LRIG1: variants seen among roughly 807,000 people sequenced by gnomAD.
LRIG1 encodes leucine rich repeats and immunoglobulin like domains 1.
Under a neutral mutation model 99.2 loss-of-function variants are expected in LRIG1, and 48 were observed. The observed-to-expected ratio is 0.48, with a 90% CI of 0.38 to 0.62. LRIG1 has a LOEUF of 0.62. LRIG1 is among the 20% of genes least tolerant of loss of function. The pLI, the probability that LRIG1 is intolerant of heterozygous loss-of-function variation, is 0.00. For missense variants in LRIG1, 1,646 were observed against 1,434.4 expected, an observed-to-expected ratio of 1.15 and a Z score of -2.38; for synonymous variants, 772 against 596.1, an observed-to-expected ratio of 1.29 and a Z score of -4.30.
chr3:66,386,631 C>T (rs1220995504), intron 12 of LRIG1: 2 of 287,982 alleles, frequency 6.9e-6, no homozygotes, highest in East Asian at 7.6e-5. Flanking sequence ...ACAAAACAGT[C>T]AGGCACCACT....
intron 12 of LRIG1, among the ~76,000 whole-genome samples, chr3:66,389,089 A>G (rs1246045313): frequency 1.3e-5 from 2 of 152,250 alleles, no homozygotes; most frequent in African/African-American, 4.8e-5. Flanking sequence ...CAGTAACACA[A>G]AGGAATAAAA....
intron 3 of LRIG1, among the ~76,000 whole-genome samples, chr3:66,451,127 G>C (rs1288190090): frequency 1.3e-5 from 2 of 152,028 alleles, no homozygotes; most frequent in Non-Finnish European, 2.9e-5. Context: ...CAGAGGCCTG[G>C]GGGCACTTTC....
At chr3:66,448,556 A>G (rs1217368086) in intron 3 of LRIG1, among the ~76,000 whole-genome samples, 1 of 152,140 alleles carries the variant, frequency 6.6e-6, no homozygotes, top group Non-Finnish European at 1.5e-5. Context: ...TACTTCTACC[A>G]TCTGCTTCAA....
At chr3:66,434,615 C>T (rs543403886) in intron 3 of LRIG1, among the ~76,000 whole-genome samples, 3 of 152,076 alleles carry the variant, frequency 2.0e-5, no homozygotes, top group East Asian at 1.9e-4. Flanking sequence ...GGCCTGGTGG[C>T]GTAAGCCTGC....
At chr3:66,477,318 C>A (rs1033054212) in intron 1 of LRIG1, among the ~76,000 whole-genome samples, 2 of 152,192 alleles carry the variant, frequency 1.3e-5, no homozygotes, top group African/African-American at 2.4e-5. Flanking sequence ...CACCACGACC[C>A]GGGTCATTTG....
At chr3:66,405,804 C>A in intron 8 of LRIG1, 1 of 1,176,076 alleles carries the variant, frequency 8.5e-7, no homozygotes, top group Non-Finnish European at 1.1e-6. Flanking sequence ...GCCTGCAGGG[C>A]GCTGACTCTG....
intron 12 of LRIG1, among the ~76,000 whole-genome samples, chr3:66,392,636 G>T (rs183976357): frequency 6.6e-6 from 1 of 151,866 alleles, no homozygotes; most frequent in East Asian, 1.9e-4. Context: ...GTGGGGGTGG[G>T]GATGACAGAT....
chr3:66,423,584 T>C (rs915262162), intron 3 of LRIG1, among the ~76,000 whole-genome samples: 1 of 152,030 alleles, frequency 6.6e-6, no homozygotes, highest in Non-Finnish European at 1.5e-5. Flanking sequence ...AAGAAACAAA[T>C]TAAAACAAAA....
chr3:66,403,808 T>C (rs1285826495), intron 9 of LRIG1, among the ~76,000 whole-genome samples: 1 of 152,100 alleles, frequency 6.6e-6, no homozygotes, highest in African/African-American at 2.4e-5. Flanking sequence ...TGCTGCCCAC[T>C]CTCACCACCC....
chr3:66,472,203 C>G (rs1207731269), intron 1 of LRIG1, among the ~76,000 whole-genome samples: 1 of 141,156 alleles, frequency 7.1e-6, no homozygotes, highest in East Asian at 2.2e-4. Flanking sequence ...GCTGGGGAGG[C>G]TGAGGCAGGA....
intron 3 of LRIG1, among the ~76,000 whole-genome samples, chr3:66,442,430 C>A (rs1203869305): frequency 1.3e-5 from 2 of 152,016 alleles, no homozygotes; most frequent in Non-Finnish European, 2.9e-5. Context: ...CAGAAGCCAC[C>A]TGCAGGAAGT....
intron 1 of LRIG1, among the ~76,000 whole-genome samples, chr3:66,493,067 C>A (rs887946835): frequency 6.6e-6 from 1 of 151,056 alleles, no homozygotes; most frequent in Non-Finnish European, 1.5e-5. Flanking sequence ...CCACAATTGT[C>A]TCCTGTCCTC....
chr3:66,393,895 CA>C (rs1701723857), intron 12 of LRIG1, 144 bp downstream of exon 12: 2 of 830,218 alleles, frequency 2.4e-6, no homozygotes, highest in African/African-American at 3.4e-5. Context: ...GTGGTTTCAG[CA>C]AGAAATAAAT....
At chr3:66,474,737 T>C (rs1368632511) in intron 1 of LRIG1, among the ~76,000 whole-genome samples, 1 of 152,124 alleles carries the variant, frequency 6.6e-6, no homozygotes, top group East Asian at 1.9e-4. Flanking sequence ...TCCAGGTCAT[T>C]TACTCACAAA....
chr3:66,441,072 G>A (rs1330964766), intron 3 of LRIG1, among the ~76,000 whole-genome samples: 1 of 152,016 alleles, frequency 6.6e-6, no homozygotes, highest in Non-Finnish European at 1.5e-5. Flanking sequence ...CTGTCCCCGA[G>A]GAAAAAAAGT....
rs369205914 is a variant in LRIG1 at position 66,456,680 on chromosome 3, G to A, written c.291-5047C>T. ...CTCCCTAAACATACTACCATCCCCCGCACCCCTGCTCACACACACCCACTG... is the reference window on the plus strand; with the variant it reads ...CTCCCTAAACATACTACCATCCCCCACACCCCTGCTCACACACACCCACTG... On this transcript the variant is annotated intron_variant, in intron 2 of 18. Transcript: ENST00000273261. Among the ~76,000 whole-genome samples, 238 of 149,498 alleles carry A rather than the reference G, an allele frequency of 1.6e-3. 1 individual carries two copies. Among genetic ancestry groups the A allele is most frequent in the Non-Finnish European group, 1.7e-3 (115 of 67,476 alleles).
In LRIG1 at chr3:66,379,195, C is replaced by G. The variant is rs536096932; in HGVS notation, c.*1068G>C. 6.5e-6 allele frequency: 1 copy of G among 152,726 alleles called. No individual in the cohort carries two copies. The highest frequency in any genetic ancestry group is 2.4e-5 in the African/African-American group (1 of 41,550). The allele number at this position is 152,726 out of a possible 1,614,324, so 9.5% of individuals were successfully genotyped here. ...TGGTTAGCTACCAGTCTCAAAAGTG[C>G]AAATTATACCCAGAACCCAGGTCAA... is the stretch of plus-strand genomic sequence containing the variant. On this transcript the variant is annotated 3_prime_UTR_variant, in exon 19 of 19. Coordinates refer to ENST00000273261, the MANE Select transcript of LRIG1 (RefSeq NM_015541.3).
intron 1 of LRIG1, among the ~76,000 whole-genome samples, chr3:66,471,209 C>T (rs1208635615): frequency 6.6e-6 from 1 of 152,202 alleles, no homozygotes; most frequent in Non-Finnish European, 1.5e-5. Context: ...AAGTGCTTTG[C>T]AGAGGCTTGG....
At chr3:66,494,689 A>T (rs966782515) in intron 1 of LRIG1, among the ~76,000 whole-genome samples, 3 of 152,198 alleles carry the variant, frequency 2.0e-5, no homozygotes, top group African/African-American at 7.2e-5. Flanking sequence ...ATAAAGCAAA[A>T]AGCCTTTGTA....
Sources: allele counts gnomAD v4.1 joint callset (sites outside exome capture counted in the v4.1 genomes callset), GRCh38; gene constraint gnomAD v4.1.1; transcripts MANE v1.5; gene names NCBI Gene and HGNC (gene_info 2026-07-23, HGNC 2026-07-21).